The following KCTD16 variants were observed in gnomAD, a reference collection of about 807,000 sequenced individuals.
KCTD16 encodes the protein potassium channel tetramerization domain containing 16, also known as BTB/POZ domain-containing protein KCTD16.
A neutral mutation model predicts 33.2 loss-of-function variants in KCTD16; 13 were observed. The ratio of observed to expected loss-of-function variants is 0.39; its 90% CI spans 0.25 to 0.62. The LOEUF (loss-of-function observed/expected upper bound fraction) is 0.62, where lower values mean the gene tolerates loss of function less well. Ranked by LOEUF, KCTD16 falls within the 20% of genes least tolerant of loss-of-function variation. The pLI is 0.50. For synonymous variants in KCTD16, 197 were observed against 195.3 expected, an observed-to-expected ratio of 1.01 and a Z score of -0.07; for missense variants, 441 against 525.1, an observed-to-expected ratio of 0.84 and a Z score of 1.57.
chr5:144,354,733 C>G (rs1035623939), intron 3 of KCTD16, among the ~76,000 whole-genome samples: 1 of 152,100 alleles, frequency 6.6e-6, no homozygotes, highest in African/African-American at 2.4e-5. Context: ...TTCAGTCTAT[C>G]TATTCGTTAA....
chr5:144,319,414 T>G (rs575905882), intron 3 of KCTD16, among the ~76,000 whole-genome samples: 13 of 152,316 alleles, frequency 8.5e-5, no homozygotes, highest in African/African-American at 1.4e-4. Context: ...AGTTTTTTAT[T>G]TCCATTTCCA....
intron 3 of KCTD16, among the ~76,000 whole-genome samples, chr5:144,291,059 T>G (rs183720717): frequency 9.7e-4 from 147 of 152,280 alleles, no homozygotes; most frequent in Non-Finnish European, 1.7e-3. Flanking sequence ...GAACGAAGAC[T>G]TTGTATAAAA....
At chr5:144,349,508 T>C (rs775892987) in intron 3 of KCTD16, among the ~76,000 whole-genome samples, 7 of 152,212 alleles carry the variant, frequency 4.6e-5, no homozygotes, top group Non-Finnish European at 1.0e-4. Flanking sequence ...TTTTCTGAAT[T>C]GAATTAAATC....
At chr5:144,176,147 C>T (rs1752500819) in intron 2 of KCTD16, among the ~76,000 whole-genome samples, 1 of 152,110 alleles carries the variant, frequency 6.6e-6, no homozygotes, top group Non-Finnish European at 1.5e-5. Context: ...AAATTGTGAA[C>T]AGTGCTTCTC....
chr5:144,415,772 C>T (rs763062477), intron 3 of KCTD16, among the ~76,000 whole-genome samples: 1 of 152,138 alleles, frequency 6.6e-6, no homozygotes, highest in Admixed American at 6.6e-5. Flanking sequence ...AACTCTTGTA[C>T]TACTGCTAGC....
At chr5:144,255,017 G>C (rs554008568) in intron 3 of KCTD16, among the ~76,000 whole-genome samples, 12 of 152,056 alleles carry the variant, frequency 7.9e-5, no homozygotes, top group African/African-American at 2.9e-4. Flanking sequence ...CTCCCACCTT[G>C]GTCTCCTAAG....
intron 3 of KCTD16, among the ~76,000 whole-genome samples, chr5:144,215,556 C>T (rs967208297): frequency 6.6e-6 from 1 of 152,182 alleles, no homozygotes; most frequent in African/African-American, 2.4e-5. Context: ...ACTTTGCTAC[C>T]ACCAGATACA....
At chr5:144,463,028 T>C (rs886417277) in intron 3 of KCTD16, among the ~76,000 whole-genome samples, 2 of 152,190 alleles carry the variant, frequency 1.3e-5, no homozygotes, top group Non-Finnish European at 2.9e-5. Flanking sequence ...CAATGCACAA[T>C]TTATCCCCTC....
intron 3 of KCTD16, among the ~76,000 whole-genome samples, chr5:144,244,926 G>A (rs868466483): frequency 9.2e-5 from 14 of 152,298 alleles, no homozygotes; most frequent in Admixed American, 3.3e-4. Context: ...TGGGTGAACT[G>A]TAACATCATT....
rs1265628156 is a variant in KCTD16, at chr5:144,465,287, C to T, written c.833-8373C>T. Among the ~76,000 whole-genome samples the T allele has an allele frequency of 8.6e-5, 13 of 150,988 alleles. No individual in the cohort carries two copies. In the Admixed American group the frequency reaches 8.6e-4, roughly 10 times the overall value. ...AGGAATCTTCTTTCTTCGAAGTACC[C>T]TGTCCTGTGTTTATCTTCACTGTAA... On this transcript the variant is annotated intron_variant, in intron 3 of 3. Transcript: ENST00000512467.
At chr5:144,346,339 A>G (rs934344237) in intron 3 of KCTD16, among the ~76,000 whole-genome samples, 2 of 152,104 alleles carry the variant, frequency 1.3e-5, no homozygotes, top group Admixed American at 1.3e-4. Flanking sequence ...TATCTCTTTG[A>G]TATACTGATT....
At chr5:144,299,148 ATTTTTTTT>A (rs369343270) in intron 3 of KCTD16, among the ~76,000 whole-genome samples, 48 of 14,058 alleles carry the variant, frequency 3.4e-3, no homozygotes, top group African/African-American at 5.2e-3. Flanking sequence ...ATATATATAT[ATTTTTTTT>A]TTTTTTTTTA....
intron 3 of KCTD16, among the ~76,000 whole-genome samples, chr5:144,382,253 A>C (rs1752232662): frequency 6.6e-6 from 1 of 152,156 alleles, no homozygotes; most frequent in Admixed American, 6.6e-5. Flanking sequence ...TTGAAGGATG[A>C]GCATGTGGGA....
rs137866688 is a variant in KCTD16 at position 144,323,747 on chromosome 5, A to C, written c.832+116201A>C. Among the ~76,000 whole-genome samples, 30 of 152,324 alleles carry C rather than the reference A, an allele frequency of 2.0e-4. No individual in the cohort carries two copies. In the East Asian group the frequency reaches 4.8e-3, roughly 24 times the overall value. ...AGGCACATTTTCACAGCCACCACAT[A>C]TAGAAAGATTTTCTTCCAAATACTA... On this transcript the variant is annotated intron_variant, in intron 3 of 3. Transcript: ENST00000512467.
chr5:144,198,066 G>A (rs1282559008), intron 2 of KCTD16, among the ~76,000 whole-genome samples: 1 of 152,068 alleles, frequency 6.6e-6, no homozygotes. Context: ...GGTGGTTTTC[G>A]CAGTCAGCTT....
chr5:144,312,870 T>C (rs1015740490), intron 3 of KCTD16, among the ~76,000 whole-genome samples: 1 of 152,182 alleles, frequency 6.6e-6, no homozygotes, highest in East Asian at 1.9e-4. Flanking sequence ...AGTGACAAGG[T>C]GAAGAAAACT....
rs148087293 is a variant in KCTD16 at position 144,183,790 on chromosome 5, G to A, written c.-327+9318G>A. ...GGTGCTTAGTAAATATTTGCTATAT[G>A]TTATAAATAAAAGTATAAATGAATC... On this transcript the variant is annotated intron_variant, in intron 2 of 3. Transcript: ENST00000512467. Among the ~76,000 whole-genome samples the A allele has an allele frequency of 1.6e-4, 24 of 152,248 alleles. No homozygotes were observed. The East Asian group carries it at 4.6e-3, about 29-fold the overall frequency.
intron 3 of KCTD16, among the ~76,000 whole-genome samples, chr5:144,341,587 C>A (rs1752646836): frequency 6.6e-6 from 1 of 152,110 alleles, no homozygotes; most frequent in African/African-American, 2.4e-5. Context: ...AAACAAAAAC[C>A]ACCTTCAAAA....
rs6864675 is a variant in KCTD16, at chr5:144,170,898, G to C, written c.-604G>C. ...AGACCTAGGTGATGGAGGAAGACTG[G>C]GAGGCGCTAAAATGAGACAGACGGA... On this transcript the variant is annotated 5_prime_UTR_variant, in exon 1 of 4. Coordinates refer to ENST00000512467, the MANE Select transcript of KCTD16 (RefSeq NM_020768.4). The C allele has an allele frequency of 2.6e-5, 4 of 152,208 alleles. No homozygotes were observed. Among genetic ancestry groups the C allele is most frequent in the Non-Finnish European group, 2.9e-5 (2 of 68,078 alleles). 9.4% of individuals were successfully genotyped at this position (152,208 alleles called of 1,614,324 possible).
Sources: gnomAD v4.1 joint callset for allele counts (sites outside exome capture counted in the v4.1 genomes callset) on GRCh38, gnomAD v4.1.1 for gene constraint, MANE v1.5 for transcripts, NCBI Gene and HGNC (gene_info 2026-07-23, HGNC 2026-07-21) for gene names.